The following GPHN variants were observed in gnomAD, a reference collection of about 807,000 sequenced individuals.
GPHN encodes gephyrin.
GPHN carries 17 observed loss-of-function variants against 95.5 expected under a neutral mutation model. That is an observed-to-expected ratio of 0.18 (90% CI 0.12 to 0.27). The LOEUF is 0.27. Among genes scored for constraint, GPHN ranks in the 10% least tolerant of loss-of-function variants. GPHN has a pLI of 1.00. For missense variants in GPHN, 660 were observed against 978.1 expected (o/e 0.67, Z 4.34); for synonymous variants, 320 against 322.5 (o/e 0.99, Z 0.08).
At chr14:67,540,015 C>G in the GPHN span, among the ~76,000 whole-genome samples, 1 of 152,302 alleles carries the variant, frequency 6.6e-6, no homozygotes, top group African/African-American at 2.4e-5. Context: ...TAACTTTGCA[C>G]TGTGGTAGTA....
chr14:67,646,643 G>C, the GPHN span: 80 of 1,602,980 alleles, frequency 5.0e-5, no homozygotes, highest in Non-Finnish European at 6.7e-5. Context: ...CCCTTTCATA[G>C]GTACCACAAC....
At chr14:66,605,443 A>G (rs989935972) in intron 1 of GPHN, among the ~76,000 whole-genome samples, 1 of 151,506 alleles carries the variant, frequency 6.6e-6, no homozygotes, top group African/African-American at 2.4e-5. Context: ...CATTTCTCTG[A>G]TGATTAGTGA....
the GPHN span, among the ~76,000 whole-genome samples, chr14:67,654,182 C>A: frequency 6.6e-6 from 1 of 152,220 alleles, no homozygotes; most frequent in Non-Finnish European, 1.5e-5. Context: ...TCGCAGCTCA[C>A]TGCAGCCTCG....
the GPHN span, chr14:67,225,109 T>G: frequency 2.6e-6 from 4 of 1,562,172 alleles, no homozygotes; most frequent in South Asian, 4.8e-5. Context: ...TTTTCTTTTT[T>G]CCCTCTAGTT....
chr14:67,430,494 G>A, the GPHN span, among the ~76,000 whole-genome samples: 1 of 152,220 alleles, frequency 6.6e-6, no homozygotes, highest in Non-Finnish European at 1.5e-5. Flanking sequence ...GGGCTCACGT[G>A]ACTTTGCTAT....
chr14:66,965,131 T>C, intron 8 of GPHN, 60 bp from the exon 9 acceptor site: 1 of 1,439,430 alleles, frequency 6.9e-7, no homozygotes, highest in East Asian at 2.3e-5. Flanking sequence ...AAGGGGGTCT[T>C]GATTCTACAT....
chr14:67,028,877 C>T (rs994473036), intron 10 of GPHN, among the ~76,000 whole-genome samples: 2 of 152,106 alleles, frequency 1.3e-5, no homozygotes, highest in Non-Finnish European at 2.9e-5. Context: ...GATATAGTCT[C>T]ATTTGTCTGT....
intron 5 of GPHN, among the ~76,000 whole-genome samples, chr14:66,885,771 G>A (rs2064156676): frequency 1.3e-5 from 2 of 149,080 alleles, no homozygotes; most frequent in African/African-American, 5.0e-5. Flanking sequence ...GGCAGGCTGA[G>A]AAAAAGAGAA....
Position 66,601,262 on chromosome 14 carries a change from G to C in GPHN, c.65-79845G>C, listed in dbSNP as rs1052807249. ...GTTTGAAATAAGTAGCATAAGTGTA[G>C]TGCTACCAAGATGTAGTGGATATTC... On this transcript the variant is annotated intron_variant, in intron 1 of 22. Transcript: ENST00000478722. 7.9e-5 allele frequency among the ~76,000 whole-genome samples: 12 copies of C among 152,150 alleles called. No homozygotes were observed. The East Asian group carries it at 1.9e-3, about 24-fold the overall frequency.
At chr14:66,774,934 G>A (rs2153460310) in intron 2 of GPHN, among the ~76,000 whole-genome samples, 1 of 152,244 alleles carries the variant, frequency 6.6e-6, no homozygotes, top group South Asian at 2.1e-4. Flanking sequence ...CTCCAGGTCT[G>A]CTCAGATACT....
chr14:67,671,482 T>C, the GPHN span, among the ~76,000 whole-genome samples: 3 of 151,964 alleles, frequency 2.0e-5, no homozygotes, highest in Non-Finnish European at 4.4e-5. Context: ...GCTGAGATTG[T>C]ACCACTGCAC....
At chr14:67,461,079 T>C in the GPHN span, among the ~76,000 whole-genome samples, 2 of 152,184 alleles carry the variant, frequency 1.3e-5, no homozygotes, top group Non-Finnish European at 2.9e-5. Context: ...AAGCCCATAA[T>C]TTTGGTCATT....
the GPHN span, among the ~76,000 whole-genome samples, chr14:67,356,447 A>T: frequency 7.1e-6 from 1 of 140,772 alleles, no homozygotes; most frequent in Non-Finnish European, 1.5e-5. Context: ...AAAAAAAAAA[A>T]CAAAAACAAA....
At chr14:67,389,583 T>C in the GPHN span, among the ~76,000 whole-genome samples, 1 of 152,114 alleles carries the variant, frequency 6.6e-6, no homozygotes, top group Non-Finnish European at 1.5e-5. Flanking sequence ...CATGTGTACA[T>C]ATATATGTAT....
chr14:66,865,154 T>C (rs1227505137), intron 4 of GPHN, among the ~76,000 whole-genome samples: 1 of 151,864 alleles, frequency 6.6e-6, no homozygotes, highest in Non-Finnish European at 1.5e-5. Flanking sequence ...AAAAAGTAGT[T>C]AGAAAAAAAT....
the GPHN span, among the ~76,000 whole-genome samples, chr14:67,610,033 C>T: frequency 2.6e-5 from 4 of 152,160 alleles, no homozygotes; most frequent in Non-Finnish European, 4.4e-5. Context: ...GGCAGAATGG[C>T]TAGTCAAGGG....
At chr14:67,178,854 A>G (rs2083162717) in intron 21 of GPHN, among the ~76,000 whole-genome samples, 1 of 152,222 alleles carries the variant, frequency 6.6e-6, no homozygotes, top group African/African-American at 2.4e-5. Context: ...AGTCCACATT[A>G]GACTAGCAGT....
chr14:67,033,162 A>G (rs1000277432), intron 10 of GPHN, among the ~76,000 whole-genome samples: 7 of 152,226 alleles, frequency 4.6e-5, no homozygotes, highest in African/African-American at 1.7e-4. Context: ...GGGTTCAACA[A>G]TTACTTGACC....
intron 2 of GPHN, among the ~76,000 whole-genome samples, chr14:66,686,855 T>G (rs1266173431): frequency 6.6e-6 from 1 of 152,168 alleles, no homozygotes; most frequent in African/African-American, 2.4e-5. Flanking sequence ...GCTTCCAGTT[T>G]TTGCCCATTC....
Sources: gnomAD v4.1 joint callset for allele counts (sites outside exome capture counted in the v4.1 genomes callset) on GRCh38, gnomAD v4.1.1 for gene constraint, MANE v1.5 for transcripts, NCBI Gene and HGNC (gene_info 2026-07-23, HGNC 2026-07-21) for gene names.